PRR12: variants seen among roughly 807,000 people sequenced by gnomAD.
The protein encoded by PRR12 is proline-rich protein 12.
PRR12 carries 12 observed loss-of-function variants against 138.0 expected under a neutral mutation model. The ratio of observed to expected loss-of-function variants is 0.09; its 90% confidence interval spans 0.06 to 0.14. PRR12 has a LOEUF of 0.14. Among genes scored for constraint, PRR12 ranks in the 10% least tolerant of loss-of-function variants. The probability of loss-of-function intolerance (pLI) is 1.00; values close to 1 mark genes in which losing one functional copy is unlikely to be tolerated. For synonymous variants in PRR12, 1,567 were observed against 1,291.7 expected (o/e 1.21, Z -4.57); for missense variants, 2,692 against 2,861.3 (o/e 0.94, Z 1.35).
rs560605667 is a variant in PRR12, at chr19:49,621,745, G to A, written c.5721+123G>A. On this transcript the variant is annotated intron_variant, in intron 11 of 13. Transcript: ENST00000418929. ...GGAGATCGTCCTTCTGGGCTCAGAT[G>A]GGAGAAAAGTTGAGGGCAGGACTGT... The A allele has an allele frequency of 8.8e-6, 7 of 790,970 alleles. No individual in the cohort carries two copies. In the East Asian group the frequency reaches 1.3e-4, roughly 15 times the overall value. 49.0% of individuals were successfully genotyped at this position (790,970 alleles called of 1,614,324 possible).
In PRR12 at chr19:49,595,339, G is replaced by C; in HGVS notation, c.1004G>C (p.Gly335Ala). Residue 335 changes from glycine (G) to alanine (A), a missense_variant, in exon 4 of 14, where the codon GGT (glycine) becomes GCT (alanine). Physicochemically the swap from Gly to Ala is moderately conservative, Grantham distance 60. Transcript: ENST00000418929. The stretch of plus-strand genomic sequence containing the variant: ...GCCAACCTGGCCTGCAGCCCCCTGG[G>C]TGGTGGGGAGCCCTCCCCGGGTGCT... ...HRANLACSPL[G>A]GGEPSPGAGE... The C allele has an allele frequency of 6.5e-7, 1 of 1,543,208 alleles. No individual in the cohort carries two copies. The highest frequency in any genetic ancestry group is 1.2e-5 in the South Asian group (1 of 83,544).
In PRR12 at chr19:49,601,537, C is replaced by T. The variant is rs765576281; in HGVS notation, c.4392C>T (p.Ala1464=). 44 of 1,540,886 alleles carry T rather than the reference C, an allele frequency of 2.9e-5. No individual in the cohort carries two copies. Among genetic ancestry groups the T allele is most frequent in the Non-Finnish European group, 3.5e-5 (40 of 1,139,322 alleles). The change falls in exon 6 of 14, where the codon GCC becomes GCT. Residue 1464 remains alanine (A), a synonymous_variant. Transcript: ENST00000418929. ...AACCCCCACCCACTCCACCTCCTGC[C>T]CCGACTCCTCAGCCTCAGCCTCCGC... ...EEKPPPTPPP[A]PTPQPQPPPP...
chr19:49,625,955 G>A lies in PRR12; in HGVS notation c.*348G>A, dbSNP rs1260008045. 1.8e-5 allele frequency: 3 copies of A among 168,166 alleles called. No individual in the cohort carries two copies. Among genetic ancestry groups the A allele is most frequent in the African/African-American group, 7.2e-5 (3 of 41,682 alleles). The allele number at this position is 168,166 out of a possible 1,614,324, so 10.4% of individuals were successfully genotyped here. A position where few individuals can be genotyped will look rare whatever the true frequency, so the allele number is the denominator to read the frequency against. ...ACCTTGTACATAATGTATAGGAAAA[G>A]TCTATGTATGGCTGGGGGGGGTGGG... On this transcript the variant is annotated 3_prime_UTR_variant, in exon 14 of 14. Coordinates refer to ENST00000418929, the MANE Select transcript of PRR12 (RefSeq NM_020719.3). This position sits in a 1 kb window ranked among gnomAD's most constrained non-coding sequence, Gnocchi z 5.5.
rs747628238 is a variant in PRR12, at chr19:49,621,616, C to A, written c.5715C>A (p.Ala1905=). Residue 1905 remains alanine, a synonymous_variant, in exon 11 of 14, where the codon GCC becomes GCA. Coordinates refer to ENST00000418929, the MANE Select transcript of PRR12 (RefSeq NM_020719.3). ...TGAAGCGGCTGTCGCTAAGCCCAGC[C>A]CTGCAGGTGCCTGGGGGTCTGGGCA... The part of the protein sequence containing the change: ...KVLKRLSLSP[A]LQDALHTFPQ... 2.6e-5 allele frequency: 41 copies of A among 1,586,058 alleles called. No homozygotes were observed. Among genetic ancestry groups the A allele is most frequent in the Non-Finnish European group, 3.4e-5 (40 of 1,167,358 alleles).
intron 9 of PRR12, among the ~76,000 whole-genome samples, chr19:49,619,828 A>ACTT (rs2080912487): frequency 8.2e-6 from 1 of 121,336 alleles, no homozygotes; most frequent in South Asian, 2.6e-4. Flanking sequence ...AGGCCACAGC[A>ACTT]CTTTATGGGC....
chr19:49,596,600 G>C lies in PRR12; in HGVS notation c.2265G>C (p.Glu755Asp). Residue 755 changes from glutamate to aspartate, a missense_variant, in exon 4 of 14, where the codon GAG (glutamate) becomes GAC (aspartate). This residue lies in a region of PRR12 where 840 missense variants were observed against 689.8 expected (regional missense o/e 1.22). Coordinates refer to ENST00000418929, the MANE Select transcript of PRR12 (RefSeq NM_020719.3). This position sits in a 1 kb window ranked among gnomAD's most constrained non-coding sequence, Gnocchi z 5.6. ...SVVHYGAGAKELGAFLQKSPP... is the reference protein window; with the variant it reads ...SVVHYGAGAKDLGAFLQKSPP... ...TCCACTACGGGGCAGGCGCCAAGGA[G>C]CTGGGGGCCTTCTTGCAAAAGAGCC... 1 of 1,594,322 alleles carries C rather than the reference G, an allele frequency of 6.3e-7. No homozygotes were observed. The highest frequency in any genetic ancestry group is 8.5e-7 in the Non-Finnish European group (1 of 1,170,968).
At chr19:49,624,715 A>T (rs2122388890) in intron 11 of PRR12, 129 bp from the exon 12 acceptor site, 1 of 1,365,438 alleles carries the variant, frequency 7.3e-7, no homozygotes, top group Admixed American at 2.7e-5. Flanking sequence ...CTGTCCTTTG[A>T]GGAGACTCTA....
At position 49,601,638 on chromosome 19, in the gene PRR12, C is replaced by T; in HGVS notation, c.4493C>T (p.Pro1498Leu). Residue 1498 changes from proline (P) to leucine (L), a missense_variant, in exon 6 of 14, where the codon CCA becomes CTA. Coordinates refer to ENST00000418929, the MANE Select transcript of PRR12 (RefSeq NM_020719.3). ...GCCCCCACGCCCAGCTCACCACCGCCACCGCCGCTGCCGCCGCCACCTCCA... is the reference window on the plus strand; with the variant it reads ...GCCCCCACGCCCAGCTCACCACCGCTACCGCCGCTGCCGCCGCCACCTCCA... ...LVAPTPSSPP[P>L]PPLPPPPPPA... 12 of 1,538,078 alleles carry T rather than the reference C, an allele frequency of 7.8e-6. No homozygotes were observed. Among genetic ancestry groups the T allele is most frequent in the African/African-American group, 2.7e-5 (2 of 72,748 alleles).
intron 8 of PRR12, among the ~76,000 whole-genome samples, chr19:49,615,424 G>T (rs1162026960): frequency 6.7e-6 from 1 of 149,680 alleles, no homozygotes. Context: ...ACCTGGGGTG[G>T]ACAGAGACCC....
chr19:49,625,524 C>T lies in PRR12; in HGVS notation c.6028C>T (p.Arg2010Trp). 1 of 1,611,986 alleles carries T rather than the reference C, an allele frequency of 6.2e-7. No individual in the cohort carries two copies. The highest frequency in any genetic ancestry group is 8.5e-7 in the Non-Finnish European group (1 of 1,179,234). Residue 2010 changes from arginine (R) to tryptophan (W), a missense_variant, in exon 14 of 14, where the codon CGG becomes TGG. Physicochemically the swap from Arg to Trp is moderately radical, Grantham distance 101. This residue lies in a region of PRR12 where 116 missense variants were observed against 243.4 expected (regional missense o/e 0.48). Transcript: ENST00000418929. This position sits in a 1 kb window ranked among gnomAD's most constrained non-coding sequence, Gnocchi z 5.5. Reference protein sequence around the residue: ...GQEEVVQQCMRNQPWLEQLFD... With the variant: ...GQEEVVQQCMWNQPWLEQLFD... ...GGAGGAGGTGGTCCAGCAGTGCATG[C>T]GGAACCAGCCGTGGCTGGAACAGCT...
intron 9 of PRR12, among the ~76,000 whole-genome samples, chr19:49,617,075 G>C (rs907946857): frequency 6.6e-6 from 1 of 150,634 alleles, no homozygotes; most frequent in African/African-American, 2.5e-5. Context: ...AGGTTACGGT[G>C]AGCTGAGATC....
At chr19:49,606,942 T>C (rs1299256186) in intron 6 of PRR12, among the ~76,000 whole-genome samples, 1 of 152,022 alleles carries the variant, frequency 6.6e-6, no homozygotes, top group East Asian at 1.9e-4. Flanking sequence ...CCAATATAAA[T>C]ATCACCTGAG....
chr19:49,607,432 G>A (rs561846315), intron 6 of PRR12, among the ~76,000 whole-genome samples: 65 of 152,086 alleles, frequency 4.3e-4, no homozygotes, highest in African/African-American at 1.4e-3. Flanking sequence ...TTTGCCAGGC[G>A]TGGTGGATCA....
At position 49,595,516 on chromosome 19, in the gene PRR12, G is replaced by C. The variant is rs1366549161; in HGVS notation, c.1181G>C (p.Gly394Ala). The stretch of plus-strand genomic sequence containing the variant: ...TCGCCTGGGTACAAGACGGGCAAAG[G>C]TGGTTATGGAGCAGCTGCCGGGGGT... ...IQSPGYKTGK[G>A]GYGAAAGGAT... The change falls in exon 4 of 14, where the codon GGT (glycine) becomes GCT (alanine). Residue 394 changes from glycine (G) to alanine (A), a missense_variant. Around this residue, in one of 11 missense-constraint regions of PRR12, gnomAD observed 523 missense variants for 496.4 expected, o/e 1.05. Transcript: ENST00000418929. 6 of 1,568,054 alleles carry C rather than the reference G, an allele frequency of 3.8e-6. No individual in the cohort carries two copies. The highest frequency in any genetic ancestry group is 5.2e-6 in the Non-Finnish European group (6 of 1,157,256).
In PRR12 at chr19:49,596,821, G is replaced by T; in HGVS notation, c.2486G>T (p.Arg829Leu). The T allele has an allele frequency of 6.3e-7, 1 of 1,596,512 alleles. No individual in the cohort carries two copies. The highest frequency in any genetic ancestry group is 8.5e-7 in the Non-Finnish European group (1 of 1,178,288). The change falls in exon 4 of 14, where the codon CGC (arginine) becomes CTC (leucine). Residue 829 changes from arginine to leucine, a missense_variant. Around this residue, in one of 11 missense-constraint regions of PRR12, gnomAD observed 840 missense variants for 689.8 expected, o/e 1.22. Transcript: ENST00000418929. The surrounding 1 kb of genome is among the most constrained non-coding windows in gnomAD (Gnocchi z 5.6). ...VGVHLLEPAT[R>L]DGAPQPPPPP... ...GTCCACCTCCTTGAGCCAGCCACCC[G>T]CGATGGGGCACCCCAGCCACCTCCA...
At position 49,595,191 on chromosome 19, in the gene PRR12, G is replaced by T; in HGVS notation, c.856G>T (p.Asp286Tyr). The T allele has an allele frequency of 6.2e-7, 1 of 1,605,286 alleles. No homozygotes were observed. Reference sequence around the variant, plus strand: ...GCCTGAGCGGGCCCTGCCACGCCAGGACACGGTCATCAAGCACTACCAGCG... The same window carrying T: ...GCCTGAGCGGGCCCTGCCACGCCAGTACACGGTCATCAAGCACTACCAGCG... ...PPPERALPRQDTVIKHYQRPA... is the reference protein window; with the variant it reads ...PPPERALPRQYTVIKHYQRPA... The change falls in exon 4 of 14, where the codon GAC becomes TAC. Residue 286 changes from aspartate (D) to tyrosine (Y), a missense_variant. By Grantham distance (160) the Asp-to-Tyr change is radical. Around this residue, in one of 11 missense-constraint regions of PRR12, gnomAD observed 523 missense variants for 496.4 expected, o/e 1.05. Transcript: ENST00000418929.
In PRR12 at chr19:49,595,752, C is replaced by G. The variant is rs2080763272; in HGVS notation, c.1417C>G (p.Pro473Ala). Residue 473 changes from proline (P) to alanine (A), a missense_variant, in exon 4 of 14, where the codon CCC (proline) becomes GCC (alanine). Pro to Ala is a conservative substitution (Grantham distance 27). Around this residue, in one of 11 missense-constraint regions of PRR12, gnomAD observed 523 missense variants for 496.4 expected, o/e 1.05. Transcript: ENST00000418929. ...GGQAQDLSKAPSYSGGPPQPP... is the reference protein window; with the variant it reads ...GGQAQDLSKAASYSGGPPQPP... ...GCAGGCACAGGACTTGAGCAAAGCC[C>G]CCAGCTACTCAGGGGGCCCCCCACA... 6.2e-7 allele frequency: 1 copy of G among 1,600,378 alleles called. No individual in the cohort carries two copies. Among genetic ancestry groups the G allele is most frequent in the Non-Finnish European group, 8.5e-7 (1 of 1,173,874 alleles).
At chr19:49,604,925 C>A (rs1342965075) in intron 6 of PRR12, among the ~76,000 whole-genome samples, 3 of 152,018 alleles carry the variant, frequency 2.0e-5, no homozygotes, top group African/African-American at 7.3e-5. Context: ...GATCTCAGCT[C>A]ACTGCAACTT....
intron 6 of PRR12, among the ~76,000 whole-genome samples, chr19:49,608,345 A>T (rs111911886): frequency 0.059 from 8,929 of 151,668 alleles, 612 homozygotes; most frequent in African/African-American, 0.17. Flanking sequence ...CTTTTTTTTT[A>T]AAATTTTTTA....
Sources: gnomAD v4.1 joint callset for allele counts (sites outside exome capture counted in the v4.1 genomes callset) on GRCh38, gnomAD v4.1.1 for gene constraint, gnomAD v4.1.1 regional missense constraint, Gnocchi (gnomAD v3.1) non-coding constraint, MANE v1.5 for transcripts, NCBI Gene and HGNC (gene_info 2026-07-23, HGNC 2026-07-21) for gene names.